The following NAALADL2 variants were observed in gnomAD, a reference collection of about 807,000 sequenced individuals.
NAALADL2 encodes inactive N-acetylated-alpha-linked acidic dipeptidase-like protein 2.
In NAALADL2, 76 loss-of-function variants were observed where a neutral mutation model predicts 87.2. The observed-to-expected ratio is 0.87, with a 90% confidence interval of 0.72 to 1.05. The LOEUF is 1.05. Among genes scored for constraint, NAALADL2 ranks in the 50% least tolerant of loss-of-function variants. NAALADL2 has a pLI of 0.00. For synonymous variants in NAALADL2, 354 were observed against 331.0 expected (o/e 1.07, Z -0.75); for missense variants, 1,089 against 945.8 (o/e 1.15, Z -1.99).
intron 2 of NAALADL2, among the ~76,000 whole-genome samples, chr3:175,147,463 TACC>T (rs1730908595): frequency 2.0e-5 from 3 of 152,180 alleles, no homozygotes; most frequent in Admixed American, 1.3e-4. Context: ...ACATATTATG[TACC>T]ACATTTTCTT....
At chr3:175,135,672 C>A (rs1318776460) in intron 2 of NAALADL2, among the ~76,000 whole-genome samples, 1 of 152,112 alleles carries the variant, frequency 6.6e-6, no homozygotes, top group African/African-American at 2.4e-5. Context: ...GATAATACTA[C>A]CTTTCAGAAC....
At chr3:174,534,208 A>G (rs1025435562) in intron 1 of NAALADL2, among the ~76,000 whole-genome samples, 2 of 152,222 alleles carry the variant, frequency 1.3e-5, no homozygotes, top group Admixed American at 6.5e-5. Flanking sequence ...AACCATTTAA[A>G]TAAAACTAGG....
intron 2 of NAALADL2, among the ~76,000 whole-genome samples, chr3:174,598,017 C>T (rs1718087127): frequency 1.3e-5 from 2 of 152,120 alleles, no homozygotes; most frequent in Admixed American, 1.3e-4. Flanking sequence ...GAGTTATAAT[C>T]TCTCTCTTTA....
At position 174,930,275 on chromosome 3, in the gene NAALADL2, A is replaced by G. The variant is rs1460569896; in HGVS notation, c.43+70825A>G. Reference sequence around the variant, plus strand: ...TTTAGTGGGTTTATTTTTTATATATATTATTCCCTGTGATTTTTTTAAAAA... The same window carrying G: ...TTTAGTGGGTTTATTTTTTATATATGTTATTCCCTGTGATTTTTTTAAAAA... On this transcript the variant is annotated intron_variant, in intron 1 of 13. Coordinates refer to ENST00000454872, the MANE Select transcript of NAALADL2 (RefSeq NM_207015.3). Among the ~76,000 whole-genome samples the G allele has an allele frequency of 2.6e-5, 4 of 152,086 alleles. No homozygotes were observed. In the East Asian group the frequency reaches 7.7e-4, roughly 29 times the overall value.
intron 1 of NAALADL2, among the ~76,000 whole-genome samples, chr3:174,924,426 G>A (rs1028069970): frequency 4.6e-5 from 7 of 151,964 alleles, no homozygotes; most frequent in African/African-American, 1.7e-4. Context: ...ATTCCATGGT[G>A]TATATGTGCC....
rs562442468 is a variant in NAALADL2, at chr3:175,194,100, A to T, written c.546-39831A>T. On this transcript the variant is annotated intron_variant, in intron 2 of 13. Coordinates refer to ENST00000454872, the MANE Select transcript of NAALADL2 (RefSeq NM_207015.3). ...TGTCATTGTAAACAATTTTGTTAAAATATTGTGCTTAAAATTTAATACCTC... is the reference window on the plus strand; with the variant it reads ...TGTCATTGTAAACAATTTTGTTAAATTATTGTGCTTAAAATTTAATACCTC... Among the ~76,000 whole-genome samples, 97 of 152,010 alleles carry T rather than the reference A, an allele frequency of 6.4e-4. 1 individual carries two copies. Among genetic ancestry groups the T allele is most frequent in the Non-Finnish European group, 9.9e-4 (67 of 67,762 alleles).
Position 175,572,634 on chromosome 3 carries a change from G to A in NAALADL2, c.1654-3407G>A, listed in dbSNP as rs571117381. 2.0e-5 allele frequency among the ~76,000 whole-genome samples: 3 copies of A among 152,186 alleles called. No homozygotes were observed. The East Asian group carries it at 5.8e-4, about 29-fold the overall frequency. ...TGTACTTAAAAGAAACCATGGAAAT[G>A]GAATGCAATGAAAATATTGAAGCTA... On this transcript the variant is annotated intron_variant, in intron 9 of 13. Transcript: ENST00000454872.
chr3:175,786,608 T>G (rs2150237880), intron 13 of NAALADL2, among the ~76,000 whole-genome samples: 1 of 152,300 alleles, frequency 6.6e-6, no homozygotes, highest in South Asian at 2.1e-4. Context: ...CTTCTAAATT[T>G]TTTTCAAAGT....
intron 2 of NAALADL2, among the ~76,000 whole-genome samples, chr3:174,701,675 T>C (rs958153143): frequency 4.2e-5 from 5 of 119,500 alleles, no homozygotes; most frequent in Non-Finnish European, 8.9e-5. Context: ...TCTGTCACTA[T>C]AGATAAGAAT....
At chr3:174,968,173 T>G (rs1743133852) in intron 1 of NAALADL2, among the ~76,000 whole-genome samples, 1 of 152,194 alleles carries the variant, frequency 6.6e-6, no homozygotes. Context: ...GGTATGTTAT[T>G]CAAAGAAAAC....
intron 2 of NAALADL2, among the ~76,000 whole-genome samples, chr3:174,663,794 CTTTTTTTTTTT>C (rs1725718564): frequency 7.0e-6 from 1 of 142,686 alleles, no homozygotes. Flanking sequence ...TTTTTTTTTT[CTTTTTTTTTTT>C]GAGACAGAGT....
At chr3:175,687,348 A>G (rs1350244771) in intron 11 of NAALADL2, among the ~76,000 whole-genome samples, 1 of 152,186 alleles carries the variant, frequency 6.6e-6, no homozygotes, top group Non-Finnish European at 1.5e-5. Flanking sequence ...TTTTCAATGT[A>G]AGTATTATGC....
chr3:175,051,852 AG>A (rs1352300346), intron 1 of NAALADL2, among the ~76,000 whole-genome samples: 1 of 152,200 alleles, frequency 6.6e-6, no homozygotes, highest in African/African-American at 2.4e-5. Context: ...AGCTTAATTA[AG>A]AACCAACTGA....
At chr3:175,415,611 G>A (rs918968123) in intron 5 of NAALADL2, among the ~76,000 whole-genome samples, 1 of 151,962 alleles carries the variant, frequency 6.6e-6, no homozygotes, top group Non-Finnish European at 1.5e-5. Context: ...AACTCATACA[G>A]TAATACTCAG....
chr3:175,755,240 C>T lies in NAALADL2; in HGVS notation c.2011C>T (p.Gln671Ter). Reference protein sequence around the residue: ...NLKGDQPNTHQLLAMALRLRE... With the variant: ...NLKGDQPNTH ...ACCAGGTGATCAACCCAACACTCAT[C>T]AACTGTTAGCCATGGCGTTACGCCT... The change falls in exon 13 of 14, where the codon CAA becomes TAA. Residue 671 changes from glutamine to a stop codon, truncating the protein, a stop_gained. Coordinates refer to ENST00000454872, the MANE Select transcript of NAALADL2 (RefSeq NM_207015.3). LOFTEE classifies it high-confidence loss of function. 6.2e-7 allele frequency: 1 copy of T among 1,613,044 alleles called. No homozygotes were observed. The highest frequency in any genetic ancestry group is 8.5e-7 in the Non-Finnish European group (1 of 1,179,670).
At chr3:174,709,927 G>A (rs1034396405) in intron 2 of NAALADL2, among the ~76,000 whole-genome samples, 4 of 152,180 alleles carry the variant, frequency 2.6e-5, no homozygotes, top group African/African-American at 7.2e-5. Flanking sequence ...TAACTTCAAT[G>A]TGTGTGTCCT....
At chr3:174,600,848 T>G (rs1418115488) in intron 2 of NAALADL2, among the ~76,000 whole-genome samples, 1 of 152,080 alleles carries the variant, frequency 6.6e-6, no homozygotes, top group Non-Finnish European at 1.5e-5. Flanking sequence ...AAAGGGGAAA[T>G]CTGCTCCCAT....
At chr3:175,513,218 A>G (rs1163659414) in intron 9 of NAALADL2, among the ~76,000 whole-genome samples, 1 of 152,216 alleles carries the variant, frequency 6.6e-6, no homozygotes, top group Admixed American at 6.5e-5. Context: ...CTGGAGACGA[A>G]AAGAAAATAA....
chr3:174,842,559 A>G (rs1724146493), intron 3 of NAALADL2, among the ~76,000 whole-genome samples: 1 of 152,222 alleles, frequency 6.6e-6, no homozygotes, highest in Non-Finnish European at 1.5e-5. Context: ...TCATAAAAGT[A>G]TACATCTATG....
Sources: gnomAD v4.1 joint callset for allele counts (sites outside exome capture counted in the v4.1 genomes callset) on GRCh38, gnomAD v4.1.1 for gene constraint, MANE v1.5 for transcripts, NCBI Gene and HGNC (gene_info 2026-07-23, HGNC 2026-07-21) for gene names.